Variants in BRINP3 observed in about 807,000 individuals in gnomAD.
BRINP3 encodes BMP/retinoic acid inducible neural specific 3.
Under a neutral mutation model 71.0 loss-of-function variants are expected in BRINP3, and 19 were observed. That is an observed-to-expected ratio of 0.27 (90% confidence interval 0.19 to 0.39). The LOEUF (loss-of-function observed/expected upper bound fraction) is 0.39, where lower values mean the gene tolerates loss of function less well. Ranked by LOEUF, BRINP3 falls within the 10% of genes least tolerant of loss-of-function variation. The pLI, the probability that BRINP3 is intolerant of heterozygous loss-of-function variation, is 1.00. For synonymous variants in BRINP3, 380 were observed against 337.7 expected (o/e 1.13, Z -1.37); for missense variants, 959 against 940.8 (o/e 1.02, Z -0.25).
At chr1:190,153,498 A>G (rs1373413737) in intron 7 of BRINP3, among the ~76,000 whole-genome samples, 1 of 152,112 alleles carries the variant, frequency 6.6e-6, no homozygotes, top group African/African-American at 2.4e-5. Flanking sequence ...CTGCTTCATT[A>G]TTACTGAGTA....
intron 2 of BRINP3, among the ~76,000 whole-genome samples, chr1:190,322,321 A>G (rs1467664931): frequency 6.6e-6 from 1 of 152,102 alleles, no homozygotes; most frequent in Admixed American, 6.6e-5. Context: ...CTTTAAATAC[A>G]GTCCAAAAAT....
intron 6 of BRINP3, among the ~76,000 whole-genome samples, chr1:190,220,556 A>G (rs1361729969): frequency 1.3e-5 from 2 of 152,142 alleles, no homozygotes; most frequent in African/African-American, 4.8e-5. Flanking sequence ...TTAAAAAAGA[A>G]GCAAATAACA....
chr1:190,172,324 T>G (rs1652089236), intron 6 of BRINP3, among the ~76,000 whole-genome samples: 2 of 151,780 alleles, frequency 1.3e-5, no homozygotes, highest in South Asian at 2.1e-4. Context: ...TCTTTATTTT[T>G]ATCATGTTAT....
intron 5 of BRINP3, among the ~76,000 whole-genome samples, chr1:190,230,268 A>G (rs541510718): frequency 7.2e-5 from 11 of 152,118 alleles, no homozygotes; most frequent in Admixed American, 5.3e-4. Flanking sequence ...ATAAAATAAT[A>G]TTAGAAAATT....
intron 2 of BRINP3, among the ~76,000 whole-genome samples, chr1:190,416,894 C>G (rs2102437512): frequency 6.6e-6 from 1 of 152,256 alleles, no homozygotes; most frequent in Non-Finnish European, 1.5e-5. Context: ...TAAGTAGAGA[C>G]ACCGGAAGTT....
chr1:190,285,037 A>G (rs926272473), intron 2 of BRINP3, among the ~76,000 whole-genome samples: 2 of 152,132 alleles, frequency 1.3e-5, no homozygotes, highest in African/African-American at 4.8e-5. Context: ...TCAAATTGAA[A>G]TCTAAGAGAG....
intron 2 of BRINP3, among the ~76,000 whole-genome samples, chr1:190,298,608 G>T (rs1664432303): frequency 6.6e-6 from 1 of 151,814 alleles, no homozygotes; most frequent in Non-Finnish European, 1.5e-5. Context: ...CGAAGTGTGT[G>T]GTTTGGTTTC....
At chr1:190,391,516 T>G (rs1009753130) in intron 2 of BRINP3, among the ~76,000 whole-genome samples, 29 of 151,810 alleles carry the variant, frequency 1.9e-4, no homozygotes, top group African/African-American at 7.0e-4. Context: ...TTAAATTAAC[T>G]ATTATAAAAC....
At chr1:190,471,679 A>G (rs1186702261) in intron 1 of BRINP3, among the ~76,000 whole-genome samples, 1 of 151,426 alleles carries the variant, frequency 6.6e-6, no homozygotes, top group Non-Finnish European at 1.5e-5. Context: ...TTAAATGATT[A>G]CATGAAAATA....
intron 7 of BRINP3, among the ~76,000 whole-genome samples, chr1:190,115,760 C>G (rs371602316): frequency 6.6e-6 from 1 of 151,982 alleles, no homozygotes; most frequent in Admixed American, 6.6e-5. Flanking sequence ...TGTGGGAAAC[C>G]GAAGGTGACA....
intron 7 of BRINP3, among the ~76,000 whole-genome samples, chr1:190,158,071 T>C (rs1475590041): frequency 6.6e-6 from 1 of 152,174 alleles, no homozygotes; most frequent in African/African-American, 2.4e-5. Context: ...AGTTTGGCTG[T>C]GTTCCCACCC....
rs1482407388 is a variant in BRINP3, at chr1:190,099,011, G to T, written c.1308C>A (p.Thr436=). ...CTCCCACTGTGCAGGGCAGGAACGC[G>T]GTGCAGACCACCTGGTCATTCGGAC... ...CTCPNDQVVC[T]AFLPCTVGDA... Residue 436 remains threonine (T), a synonymous_variant, in exon 8 of 8, where the codon ACC becomes ACA. Transcript: ENST00000367462. The T allele has an allele frequency of 6.2e-7, 1 of 1,614,018 alleles. No homozygotes were observed. Among genetic ancestry groups the T allele is most frequent in the East Asian group, 2.2e-5 (1 of 44,878 alleles).
intron 6 of BRINP3, among the ~76,000 whole-genome samples, chr1:190,178,919 G>C (rs1249229524): frequency 6.6e-6 from 1 of 152,074 alleles, no homozygotes; most frequent in African/African-American, 2.4e-5. Context: ...ATATTTCCAT[G>C]AATGAAATTT....
chr1:190,110,974 G>A (rs2102280471), intron 7 of BRINP3, among the ~76,000 whole-genome samples: 1 of 151,986 alleles, frequency 6.6e-6, no homozygotes, highest in East Asian at 1.9e-4. Flanking sequence ...AGGAGATTGA[G>A]ATCATCCTGG....
intron 6 of BRINP3, among the ~76,000 whole-genome samples, chr1:190,167,014 C>T (rs932492900): frequency 4.6e-5 from 7 of 152,056 alleles, no homozygotes; most frequent in African/African-American, 1.7e-4. Context: ...CGTGAGACAT[C>T]GCGCCGGGCC....
chr1:190,110,564 C>G (rs181853025), intron 7 of BRINP3, among the ~76,000 whole-genome samples: 1 of 151,958 alleles, frequency 6.6e-6, no homozygotes. Flanking sequence ...AGCCAAGTAC[C>G]CTCTACTAAA....
chr1:190,414,337 G>GTT (rs147545737), intron 2 of BRINP3, among the ~76,000 whole-genome samples: 5 of 146,750 alleles, frequency 3.4e-5, no homozygotes, highest in African/African-American at 1.0e-4. Flanking sequence ...AAATCACTGT[G>GTT]TTTTTTTTTT....
chr1:190,160,161 AT>A (rs1657223533), intron 7 of BRINP3, among the ~76,000 whole-genome samples: 1 of 152,034 alleles, frequency 6.6e-6, no homozygotes. Flanking sequence ...AAATAATTTA[AT>A]TGTTGTCATC....
intron 6 of BRINP3, among the ~76,000 whole-genome samples, chr1:190,163,792 C>T (rs1651232214): frequency 6.6e-6 from 1 of 152,056 alleles, no homozygotes; most frequent in South Asian, 2.1e-4. Flanking sequence ...TTTGTTGTGC[C>T]TTTATCCTTT....
Sources: gnomAD v4.1 joint callset for allele counts (sites outside exome capture counted in the v4.1 genomes callset) on GRCh38, gnomAD v4.1.1 for gene constraint, MANE v1.5 for transcripts, NCBI Gene and HGNC (gene_info 2026-07-23, HGNC 2026-07-21) for gene names.